The following BEST1 variants were observed in gnomAD, a reference collection of about 807,000 sequenced individuals.
BEST1 encodes the protein bestrophin 1, also known as bestrophin-1.
A neutral mutation model predicts 63.3 loss-of-function variants in BEST1; 58 were observed. The ratio of observed to expected loss-of-function variants is 0.92; its 90% CI spans 0.74 to 1.14. The LOEUF (loss-of-function observed/expected upper bound fraction) is 1.14, where lower values mean the gene tolerates loss of function less well. Ranked by LOEUF, BEST1 falls within the 50% of genes most tolerant of loss-of-function variation. BEST1 has a pLI of 0.00. For missense variants in BEST1, 671 were observed against 740.1 expected (o/e 0.91, Z 1.08); for synonymous variants, 283 against 291.6 (o/e 0.97, Z 0.30).
At chr11:61,964,637 A>G (rs955558265), downstream of BEST1, 48 of 1,362,648 alleles carry the variant, frequency 3.5e-5, no homozygotes, top group Non-Finnish European at 4.4e-5. Flanking sequence ...GGTACAACTT[A>G]TAGAAAAGGT....
intron 10 of BEST1, 109 bp from the exon 11 acceptor site, chr11:61,963,995 A>G (rs1942347528): frequency 6.0e-6 from 9 of 1,501,118 alleles, no homozygotes; most frequent in Admixed American, 2.3e-5. Flanking sequence ...TGTCTCAAAA[A>G]AAAAAAAAAA....
rs1346625604 is a variant in BEST1, at chr11:61,962,683, A to G, written c.1529A>G (p.Lys510Arg). 10 of 1,614,114 alleles carry G rather than the reference A, an allele frequency of 6.2e-6. No individual in the cohort carries two copies. Among genetic ancestry groups the G allele is most frequent in the Non-Finnish European group, 8.5e-6 (10 of 1,180,044 alleles). The change falls in exon 10 of 11, where the codon AAG becomes AGG. Residue 510 changes from lysine (K) to arginine (R), a missense_variant. Physicochemically the swap from Lys to Arg is conservative, Grantham distance 26. Coordinates refer to ENST00000378043, the MANE Select transcript of BEST1 (RefSeq NM_004183.4). ...TTAAAGACTGTGAGTTCTGGGGCCA[A>G]GAAAAGTTTTGAATTGCTCTCAGAG... is the stretch of plus-strand genomic sequence containing the variant. Reference protein sequence around the residue: ...KSLKTVSSGAKKSFELLSESD... With the variant: ...KSLKTVSSGARKSFELLSESD...
downstream of BEST1, chr11:61,965,186 C>T (rs150299199): frequency 1.8e-3 from 2,939 of 1,600,342 alleles, 5 homozygotes; most frequent in Non-Finnish European, 2.3e-3. Context: ...CTAACCACCA[C>T]GTTTTGGCAA....
chr11:61,964,556 G>A, downstream of BEST1: 1 of 779,836 alleles, frequency 1.3e-6, no homozygotes, highest in Non-Finnish European at 2.1e-6. Flanking sequence ...AGACCTCAAA[G>A]ACAACACCTG....
rs532728444 is a variant in BEST1, at chr11:61,962,459, C to T, written c.1305C>T (p.Asn435=). 8.9e-5 allele frequency: 143 copies of T among 1,614,198 alleles called. No homozygotes were observed. Among genetic ancestry groups the T allele is most frequent in the South Asian group, 2.0e-4 (18 of 91,090 alleles). ...AAAACCACAAGGCAGCCAAACAGAA[C>T]GTTAGGGGCCAGGAAGACAACAAGG... ...LPKNHKAAKQ[N]VRGQEDNKAW... is the part of the protein sequence containing the mutation. The change falls in exon 10 of 11, where the codon AAC becomes AAT. Residue 435 remains asparagine, a synonymous_variant. Transcript: ENST00000378043.
In BEST1 at chr11:61,959,513, A is replaced by G. The variant is rs777320382; in HGVS notation, c.883A>G (p.Ile295Val). The G allele has an allele frequency of 8.1e-6, 13 of 1,614,220 alleles. No homozygotes were observed. The highest frequency in any genetic ancestry group is 1.0e-5 in the Non-Finnish European group (12 of 1,180,018). ...TGTCCCCAAGGTGGCAGAGCAGCTC[A>G]TCAACCCCTTTGGAGAGGATGATGA... is the stretch of plus-strand genomic sequence containing the variant. ...VGWLKVAEQL[I>V]NPFGEDDDDF... Residue 295 changes from isoleucine (I) to valine (V), a missense_variant, in exon 8 of 11, where the codon ATC becomes GTC. Physicochemically the swap from Ile to Val is conservative, Grantham distance 29 (BLOSUM62 3). Coordinates refer to ENST00000378043, the MANE Select transcript of BEST1 (RefSeq NM_004183.4).
intron 7 of BEST1, chr11:61,958,571 C>T (rs1941658699): frequency 2.6e-5 from 21 of 806,778 alleles, no homozygotes; most frequent in South Asian, 7.9e-5. Context: ...AAAACAACAA[C>T]AACAACAAAA....
At chr11:61,963,330 C>A in intron 10 of BEST1, 1 of 1,318,768 alleles carries the variant, frequency 7.6e-7, no homozygotes, top group Non-Finnish European at 9.6e-7. Context: ...TAGGGTAGTA[C>A]CCAAGCACTA....
At chr11:61,956,348 C>G (rs1941358260) in intron 4 of BEST1, among the ~76,000 whole-genome samples, 2 of 152,144 alleles carry the variant, frequency 1.3e-5, no homozygotes, top group Admixed American at 6.5e-5. Context: ...CTGACCTGGT[C>G]CTGGTTAATA....
Position 61,962,062 on chromosome 11 carries a change from A to T in BEST1, c.1101-193A>T. 2 of 621,522 alleles carry T rather than the reference A, an allele frequency of 3.2e-6. 1 individual carries two copies. Among genetic ancestry groups the T allele is most frequent in the South Asian group, 3.9e-5 (2 of 51,798 alleles). 38.5% of individuals were successfully genotyped at this position (621,522 alleles called of 1,614,324 possible). A position where few individuals can be genotyped will look rare whatever the true frequency, so the allele number is the denominator to read the frequency against. On this transcript the variant is annotated intron_variant, in intron 9 of 10. Transcript: ENST00000378043. ...GAGGGAATCAACAAACAGTGAGGTG[A>T]GCTGGGCCTGGAGGGATCACCGGGA... is the stretch of plus-strand genomic sequence containing the variant.
chr11:61,959,648 G>A, intron 8 of BEST1, 70 bp downstream of exon 8: 1 of 1,539,894 alleles, frequency 6.5e-7, no homozygotes, highest in Admixed American at 1.7e-5. Context: ...GGACCCCACT[G>A]TTCTGTAGGG....
In BEST1 at chr11:61,956,721, A is replaced by AT. The variant is rs200896436; in HGVS notation, c.482-116dup. 6.7e-4 allele frequency: 843 copies of AT among 1,253,950 alleles called. 9 individuals are homozygous for AT. In the East Asian group the frequency reaches 0.018, roughly 27 times the overall value. The allele number at this position is 1,253,950 out of a possible 1,614,324, so 77.7% of individuals were successfully genotyped here. The stretch of plus-strand genomic sequence containing the variant: ...AACAGCACCTAGTAGGTGCTCAGAA[A>AT]TTTTTTTGTTGTTGAAAGAAAGAGG... On this transcript the variant is annotated intron_variant, in intron 4 of 10. Transcript: ENST00000378043.
chr11:61,964,925 G>C (rs551153413), downstream of BEST1: 2 of 1,613,538 alleles, frequency 1.2e-6, no homozygotes, highest in African/African-American at 2.7e-5. Flanking sequence ...TTAGTGGGCA[G>C]CTTTCCCAAT....
chr11:61,959,539 T>C lies in BEST1; in HGVS notation c.909T>C (p.Asp303=), dbSNP rs281865264. The change falls in exon 8 of 11, where the codon GAT becomes GAC. Residue 303 remains aspartate, a synonymous_variant. Transcript: ENST00000378043. The part of the protein sequence containing the change: ...QLINPFGEDD[D]DFETNWIVDR... The stretch of plus-strand genomic sequence containing the variant: ...TCAACCCCTTTGGAGAGGATGATGA[T>C]GATTTTGAGACCAACTGGATTGTCG... 6.2e-7 allele frequency: 1 copy of C among 1,614,202 alleles called. No individual in the cohort carries two copies. Among genetic ancestry groups the C allele is most frequent in the South Asian group, 1.1e-5 (1 of 91,080 alleles).
At chr11:61,964,542 C>T, downstream of BEST1, 2 of 715,668 alleles carry the variant, frequency 2.8e-6, no homozygotes, top group South Asian at 1.7e-5. Flanking sequence ...TCTGATTCAT[C>T]CCAAGACCTC....
At position 61,955,705 on chromosome 11, in the gene BEST1, C is replaced by A. The variant is rs1268753282; in HGVS notation, c.248-13C>A. ...TGGCCCCTCGCCCCTCGCCCCCCGC[C>A]CCTCCTGCCCAGGCTTCTACGTGAC... On this transcript the variant is annotated splice_polypyrimidine_tract_variant and intron_variant, in intron 3 of 10. Transcript: ENST00000378043. 6.5e-7 allele frequency: 1 copy of A among 1,546,712 alleles called. No individual in the cohort carries two copies. The highest frequency in any genetic ancestry group is 2.4e-5 in the East Asian group (1 of 40,900).
In BEST1 at chr11:61,962,427, C is replaced by G; in HGVS notation, c.1273C>G (p.Leu425Val). The part of the protein sequence containing the change: ...PKRESLLHEG[L>V]PKNHKAAKQN... Reference sequence around the variant, plus strand: ...GAGGGAATCCCTTCTCCACGAGGGCCTGCCCAAAAACCACAAGGCAGCCAA... The same window carrying G: ...GAGGGAATCCCTTCTCCACGAGGGCGTGCCCAAAAACCACAAGGCAGCCAA... Residue 425 changes from leucine to valine, a missense_variant, in exon 10 of 11, where the codon CTG (leucine) becomes GTG (valine). Physicochemically the swap from Leu to Val is conservative, Grantham distance 32. Coordinates refer to ENST00000378043, the MANE Select transcript of BEST1 (RefSeq NM_004183.4). 1 of 1,614,200 alleles carries G rather than the reference C, an allele frequency of 6.2e-7. No individual in the cohort carries two copies. The highest frequency in any genetic ancestry group is 8.5e-7 in the Non-Finnish European group (1 of 1,180,036).
At chr11:61,957,537 G>A (rs1033221511) in intron 6 of BEST1, 73 bp downstream of exon 6, 1 of 1,451,606 alleles carries the variant, frequency 6.9e-7, no homozygotes, top group Non-Finnish European at 9.7e-7. Context: ...AGCTGGGGTG[G>A]GAAGGGCTCA....
At position 61,956,876 on chromosome 11, in the gene BEST1, G is replaced by C; in HGVS notation, c.514G>C (p.Glu172Gln). The change falls in exon 5 of 11, where the codon GAG becomes CAG. Residue 172 changes from glutamate (E) to glutamine (Q), a missense_variant. Coordinates refer to ENST00000378043, the MANE Select transcript of BEST1 (RefSeq NM_004183.4). ...GACTCCGGCAGAACACAAGCAGTTG[G>C]AGAAACTGAGCCTACCACACAACAT... ...FMTPAEHKQL[E>Q]KLSLPHNMFW... The C allele has an allele frequency of 1.2e-6, 2 of 1,614,140 alleles. No individual in the cohort carries two copies. Among genetic ancestry groups the C allele is most frequent in the Non-Finnish European group, 1.7e-6 (2 of 1,180,028 alleles).
Sources: gnomAD v4.1 joint callset for allele counts (sites outside exome capture counted in the v4.1 genomes callset) on GRCh38, gnomAD v4.1.1 for gene constraint, MANE v1.5 for transcripts, NCBI Gene and HGNC (gene_info 2026-07-23, HGNC 2026-07-21) for gene names.